The following HCN1 variants were observed in gnomAD, a reference collection of about 807,000 sequenced individuals.
HCN1 encodes potassium/sodium hyperpolarization-activated cyclic nucleotide-gated channel 1.
Under a neutral mutation model 78.9 loss-of-function variants are expected in HCN1, and 13 were observed. The ratio of observed to expected loss-of-function variants is 0.16; its 90% CI spans 0.11 to 0.26. The LOEUF is 0.26. Among genes scored for constraint, HCN1 ranks in the 10% least tolerant of loss-of-function variants. HCN1 has a pLI of 1.00. For synonymous variants in HCN1, 552 were observed against 455.5 expected (o/e 1.21, Z -2.70); for missense variants, 810 against 1,154.3 (o/e 0.70, Z 4.32).
chr5:45,323,388 A>G (rs1331561146), intron 5 of HCN1, among the ~76,000 whole-genome samples: 2 of 151,896 alleles, frequency 1.3e-5, no homozygotes, highest in Non-Finnish European at 2.9e-5. Flanking sequence ...TTTAAATTAT[A>G]TAATTCCTAT....
chr5:45,524,769 G>A (rs1349584374), intron 2 of HCN1, among the ~76,000 whole-genome samples: 1 of 152,038 alleles, frequency 6.6e-6, no homozygotes, highest in Non-Finnish European at 1.5e-5. Context: ...TGAGACGATG[G>A]GGTTTTCTAG....
intron 5 of HCN1, among the ~76,000 whole-genome samples, chr5:45,334,362 T>G (rs1746408058): frequency 6.6e-6 from 1 of 151,846 alleles, no homozygotes; most frequent in Non-Finnish European, 1.5e-5. Flanking sequence ...GCTTCCAAAT[T>G]TAGTGCAAAC....
chr5:45,491,099 T>C (rs1047146983), intron 2 of HCN1, among the ~76,000 whole-genome samples: 1 of 152,166 alleles, frequency 6.6e-6, no homozygotes, highest in South Asian at 2.1e-4. Context: ...CCTCCATTTA[T>C]CTAAACCATC....
chr5:45,434,413 A>G (rs999360968), intron 3 of HCN1, among the ~76,000 whole-genome samples: 1 of 152,204 alleles, frequency 6.6e-6, no homozygotes, highest in South Asian at 2.1e-4. Flanking sequence ...TGAAACAAAG[A>G]CTATTTGCAT....
intron 5 of HCN1, among the ~76,000 whole-genome samples, chr5:45,308,159 C>T (rs1490661946): frequency 6.6e-6 from 1 of 152,076 alleles, no homozygotes; most frequent in Non-Finnish European, 1.5e-5. Flanking sequence ...CTCATGTCCT[C>T]TCTCATCATG....
chr5:45,602,294 T>C (rs1002474489), intron 2 of HCN1, among the ~76,000 whole-genome samples: 25 of 152,178 alleles, frequency 1.6e-4, no homozygotes, highest in African/African-American at 5.8e-4. Context: ...ATGAAATTGT[T>C]ACCATAGGCC....
At chr5:45,577,517 T>C (rs1743970844) in intron 2 of HCN1, among the ~76,000 whole-genome samples, 1 of 152,124 alleles carries the variant, frequency 6.6e-6, no homozygotes, top group Non-Finnish European at 1.5e-5. Flanking sequence ...GTAAGAAATA[T>C]AAAATTATAG....
chr5:45,668,293 T>C (rs1050134169), intron 1 of HCN1, among the ~76,000 whole-genome samples: 1 of 151,412 alleles, frequency 6.6e-6, no homozygotes, highest in Non-Finnish European at 1.5e-5. Flanking sequence ...CGGTGGGAGG[T>C]GATTGGATCA....
At position 45,335,458 on chromosome 5, in the gene HCN1, C is replaced by T. The variant is rs189023882; in HGVS notation, c.1377+17642G>A. 3.9e-5 allele frequency among the ~76,000 whole-genome samples: 6 copies of T among 152,166 alleles called. No homozygotes were observed. In the East Asian group the frequency reaches 1.2e-3, roughly 29 times the overall value. ...ATGCTAAGGCAATGTCTCCAGGAAA[C>T]TGGCTGATAAAATGAAGGGAAAGCT... is the stretch of plus-strand genomic sequence containing the variant. On this transcript the variant is annotated intron_variant, in intron 5 of 7. Transcript: ENST00000303230.
chr5:45,521,799 A>T (rs1362075753), intron 2 of HCN1, among the ~76,000 whole-genome samples: 1 of 152,018 alleles, frequency 6.6e-6, no homozygotes, highest in African/African-American at 2.4e-5. Context: ...AATATAACTT[A>T]TTATCAGCAA....
chr5:45,465,761 A>G (rs1456069410), intron 2 of HCN1, among the ~76,000 whole-genome samples: 2 of 152,128 alleles, frequency 1.3e-5, no homozygotes, highest in Non-Finnish European at 2.9e-5. Context: ...ATGTGAAAAA[A>G]AAAAGTTTTT....
rs542303725 is a variant in HCN1, at chr5:45,362,143, GGTGTGTGTGTTTGT to G, written c.1231-8911_1231-8898del. On this transcript the variant is annotated intron_variant, in intron 4 of 7. Transcript: ENST00000303230. ...AAACTTTATTACTATAGTTTTGCTT[GGTGTGTGTGTTTGT>G]GTGTGTGTGTGTGTGTGTGTGTGTG... is the stretch of plus-strand genomic sequence containing the variant. 4.4e-3 allele frequency among the ~76,000 whole-genome samples: 647 copies of G among 148,728 alleles called. 1 individual carries two copies. Among genetic ancestry groups the G allele is most frequent in the Non-Finnish European group, 6.7e-3 (453 of 67,340 alleles).
chr5:45,316,592 G>C (rs1442394016), intron 5 of HCN1, among the ~76,000 whole-genome samples: 1 of 152,008 alleles, frequency 6.6e-6, no homozygotes, highest in African/African-American at 2.4e-5. Context: ...AGAAATAAAG[G>C]GTATTCAATT....
At chr5:45,534,812 C>T (rs1360839998) in intron 2 of HCN1, among the ~76,000 whole-genome samples, 1 of 152,136 alleles carries the variant, frequency 6.6e-6, no homozygotes, top group Non-Finnish European at 1.5e-5. Flanking sequence ...GAATTAATTA[C>T]AAGCATATAG....
At chr5:45,545,286 T>C (rs996749041) in intron 2 of HCN1, among the ~76,000 whole-genome samples, 16 of 152,182 alleles carry the variant, frequency 1.1e-4, no homozygotes. Context: ...CACTTTTTGA[T>C]GGGGTTGTTT....
intron 2 of HCN1, among the ~76,000 whole-genome samples, chr5:45,544,606 C>G (rs1158556952): frequency 1.4e-5 from 2 of 143,632 alleles, no homozygotes; most frequent in East Asian, 4.5e-4. Context: ...CCCCCTCCCC[C>G]CATCCCACAA....
At chr5:45,658,277 T>C (rs1306265601) in intron 1 of HCN1, among the ~76,000 whole-genome samples, 1 of 152,090 alleles carries the variant, frequency 6.6e-6, no homozygotes, top group Non-Finnish European at 1.5e-5. Flanking sequence ...CCTAAAACCA[T>C]AAAAACCCTA....
chr5:45,622,091 G>A (rs150336966), intron 2 of HCN1, among the ~76,000 whole-genome samples: 3 of 152,012 alleles, frequency 2.0e-5, no homozygotes, highest in Admixed American at 6.5e-5. Flanking sequence ...ACGTGGTGGC[G>A]GGCGCCTGTA....
At chr5:45,394,195 G>A (rs1402200446) in intron 4 of HCN1, among the ~76,000 whole-genome samples, 2 of 152,160 alleles carry the variant, frequency 1.3e-5, no homozygotes, top group African/African-American at 2.4e-5. Context: ...GTCTGCGAAC[G>A]CTGGAGTCTG....
Sources: gnomAD v4.1 joint callset for allele counts (sites outside exome capture counted in the v4.1 genomes callset) on GRCh38, gnomAD v4.1.1 for gene constraint, MANE v1.5 for transcripts, NCBI Gene and HGNC (gene_info 2026-07-23, HGNC 2026-07-21) for gene names.